PROZ: variants seen among roughly 807,000 people sequenced by gnomAD.
The protein encoded by PROZ is protein Z, vitamin K dependent plasma glycoprotein.
Under a neutral mutation model 34.9 loss-of-function variants are expected in PROZ, and 46 were observed. The ratio of observed to expected loss-of-function variants is 1.32; its 90% confidence interval spans 1.04 to 1.69. The LOEUF (loss-of-function observed/expected upper bound fraction) is 1.69. Ranked by LOEUF, PROZ falls within the 40% of genes most tolerant of loss-of-function variation. The probability of loss-of-function intolerance (pLI) is 0.00; values close to 1 mark genes in which losing one functional copy is unlikely to be tolerated. For missense variants in PROZ, 530 were observed against 520.4 expected (o/e 1.02, Z -0.18); for synonymous variants, 195 against 208.5 (o/e 0.94, Z 0.56).
At chr13:113,166,618 G>A (rs1369229674) in intron 6 of PROZ, among the ~76,000 whole-genome samples, 3 of 152,198 alleles carry the variant, frequency 2.0e-5, no homozygotes, top group East Asian at 1.9e-4. Flanking sequence ...CAAAGCAGAC[G>A]GAGTGATGGA....
In PROZ at chr13:113,163,100, T is replaced by C. The variant is rs1172263038; in HGVS notation, c.351T>C (p.Tyr117=). Reference sequence around the variant, plus strand: ...ACACCTGCACCTGCTCCCCCGGCTATGAGGGCAGCAACTGCGAGCTGGGTG... The same window carrying C: ...ACACCTGCACCTGCTCCCCCGGCTACGAGGGCAGCAACTGCGAGCTGGGTG... ...WGYTCTCSPG[Y]EGSNCELAKN... The change falls in exon 4 of 8, where the codon TAT becomes TAC. Residue 117 remains tyrosine (Y), a synonymous_variant. Transcript: ENST00000375547. The C allele has an allele frequency of 1.5e-5, 24 of 1,555,422 alleles. No individual in the cohort carries two copies. Among genetic ancestry groups the C allele is most frequent in the Non-Finnish European group, 2.0e-5 (23 of 1,148,894 alleles).
At chr13:113,169,441 T>C (rs191489301) in intron 6 of PROZ, among the ~76,000 whole-genome samples, 37 of 152,360 alleles carry the variant, frequency 2.4e-4, no homozygotes, top group African/African-American at 8.4e-4. Flanking sequence ...TTCTTCTCAT[T>C]ATGGGTCACA....
At chr13:113,169,844 C>T (rs2037056584) in intron 6 of PROZ, among the ~76,000 whole-genome samples, 2 of 152,248 alleles carry the variant, frequency 1.3e-5, no homozygotes, top group African/African-American at 4.8e-5. Flanking sequence ...CACCACTGCT[C>T]TGCTGAAAAC....
intron 6 of PROZ, among the ~76,000 whole-genome samples, chr13:113,170,110 A>AT: frequency 6.6e-6 from 1 of 152,096 alleles, no homozygotes; most frequent in Non-Finnish European, 1.5e-5. Flanking sequence ...CATTCCATAG[A>AT]TTTTGTCAAT....
At chr13:113,166,302 T>C (rs2036929882) in intron 6 of PROZ, 1 of 152,258 alleles carries the variant, frequency 6.6e-6, no homozygotes, top group Non-Finnish European at 1.5e-5. Context: ...TATTTGCCTT[T>C]TTCCTTTACA....
chr13:113,167,221 G>A (rs747043747), intron 6 of PROZ, among the ~76,000 whole-genome samples: 2 of 152,142 alleles, frequency 1.3e-5, no homozygotes, highest in African/African-American at 4.8e-5. Context: ...GTCTTCTCTC[G>A]AACTTGGTTT....
intron 5 of PROZ, 113 bp from the exon 6 acceptor site, chr13:113,164,940 T>A (rs1407779328): frequency 1.8e-6 from 2 of 1,112,378 alleles, no homozygotes; most frequent in Admixed American, 3.9e-5. Context: ...AGGATAAGAT[T>A]ATAATGGTTA....
intron 6 of PROZ, among the ~76,000 whole-genome samples, chr13:113,166,808 CAG>C (rs1301441213): frequency 6.6e-6 from 1 of 152,166 alleles, no homozygotes; most frequent in Non-Finnish European, 1.5e-5. Context: ...TAGGTAGTGA[CAG>C]GGTCTGGCTC....
Position 113,163,134 on chromosome 13 carries a change from G to A in PROZ, c.373+12G>A, listed in dbSNP as rs536986677. ...CAACTGCGAGCTGGGTGAGGCCCCG[G>A]CCGTCCCCTTCCCCCAAGGGCCTCC... On this transcript the variant is annotated intron_variant, in intron 4 of 7. Transcript: ENST00000375547. 1.3e-6 allele frequency: 2 copies of A among 1,541,924 alleles called. No homozygotes were observed. Among genetic ancestry groups the A allele is most frequent in the Admixed American group, 2.0e-5 (1 of 51,026 alleles).
In PROZ at chr13:113,159,008, G is replaced by A. The variant is rs12868678; in HGVS notation, c.70+278G>A. On this transcript the variant is annotated intron_variant, in intron 1 of 7. Transcript: ENST00000375547. The surrounding 1 kb of genome is among the most constrained non-coding windows in gnomAD (Gnocchi z 4.6). ...GGGAAAGGCCGGGGAGAGGGGAGGG[G>A]GAAAGGGGGAGGAGTGGGGGGAGGC... is the stretch of plus-strand genomic sequence containing the variant. Among the ~76,000 whole-genome samples, 1 of 144,076 alleles carries A rather than the reference G, an allele frequency of 6.9e-6. No individual in the cohort carries two copies. Among genetic ancestry groups the A allele is most frequent in the South Asian group, 2.3e-4 (1 of 4,316 alleles). The allele number at this position is 144,076 out of a possible 152,430, so 94.5% of individuals were successfully genotyped here.
Position 113,171,800 on chromosome 13 carries a change from C to T in PROZ, c.898C>T (p.Leu300Phe), listed in dbSNP as rs765617789. The T allele has an allele frequency of 1.9e-6, 3 of 1,613,586 alleles. No homozygotes were observed. Among genetic ancestry groups the T allele is most frequent in the Non-Finnish European group, 2.5e-6 (3 of 1,179,904 alleles). ...HLLIPRTRGL[L>F]SGWARNGTDL... is the part of the protein sequence containing the mutation. The stretch of plus-strand genomic sequence containing the variant: ...CCTCATCCCACGCACCAGGGGCCTC[C>T]TCAGCGGCTGGGCACGCAATGGCAC... Residue 300 changes from leucine (L) to phenylalanine (F), a missense_variant, in exon 8 of 8, where the codon CTC (leucine) becomes TTC (phenylalanine). Leu to Phe is a conservative substitution (Grantham distance 22). Transcript: ENST00000375547. This position sits in a 1 kb window ranked among gnomAD's most constrained non-coding sequence, Gnocchi z 5.1.
rs376510674 is a variant in PROZ at position 113,171,958 on chromosome 13, G to A, written c.1056G>A (p.Met352Ile). 3 of 1,613,484 alleles carry A rather than the reference G, an allele frequency of 1.9e-6. No homozygotes were observed. Among genetic ancestry groups the A allele is most frequent in the East Asian group, 2.2e-5 (1 of 44,902 alleles). The change falls in exon 8 of 8, where the codon ATG becomes ATA. Residue 352 changes from methionine (M) to isoleucine (I), a missense_variant. By Grantham distance (10) the Met-to-Ile change is conservative. Transcript: ENST00000375547. This position sits in a 1 kb window ranked among gnomAD's most constrained non-coding sequence, Gnocchi z 5.1. ...GCAGCGTGGCGGCCATGCACTGGATGGATGGAAGTGTGGTCACCAGAGAAC... is the reference window on the plus strand; with the variant it reads ...GCAGCGTGGCGGCCATGCACTGGATAGATGGAAGTGTGGTCACCAGAGAAC... ...ERSSVAAMHW[M>I]DGSVVTREHR...
Position 113,171,534 on chromosome 13 carries a change from G to A in PROZ, c.692-60G>A. The A allele has an allele frequency of 1.2e-6, 2 of 1,609,492 alleles. No individual in the cohort carries two copies. Among genetic ancestry groups the A allele is most frequent in the South Asian group, 1.1e-5 (1 of 90,508 alleles). On this transcript the variant is annotated intron_variant, in intron 7 of 7. Transcript: ENST00000375547. This position sits in a 1 kb window ranked among gnomAD's most constrained non-coding sequence, Gnocchi z 5.1. ...ACGTGGCTCCCTGAGAAGCTCGTTTGAGCATTATGTCCCCTTGAAAATCAG... is the reference window on the plus strand; with the variant it reads ...ACGTGGCTCCCTGAGAAGCTCGTTTAAGCATTATGTCCCCTTGAAAATCAG...
intron 2 of PROZ, 27 bp from the exon 3 acceptor site, chr13:113,160,921 T>C (rs1386035623): frequency 1.9e-6 from 3 of 1,580,078 alleles, no homozygotes. Context: ...ATCCCATTTG[T>C]AACATTTTTA....
At chr13:113,161,068 G>A in intron 3 of PROZ, 96 bp downstream of exon 3, 1 of 1,114,188 alleles carries the variant, frequency 9.0e-7, no homozygotes, top group Non-Finnish European at 1.4e-6. Context: ...CTCAGCGGAT[G>A]CCAAGCCTCT....
At position 113,162,994 on chromosome 13, in the gene PROZ, A is replaced by G; in HGVS notation, c.260-15A>G. ...TCCTGTCACCACCACCCCAACCCCCATCCTCCTCCTGCAGGCGGCTCCCCG... is the reference window on the plus strand; with the variant it reads ...TCCTGTCACCACCACCCCAACCCCCGTCCTCCTCCTGCAGGCGGCTCCCCG... On this transcript the variant is annotated splice_polypyrimidine_tract_variant and intron_variant, in intron 3 of 7. Coordinates refer to ENST00000375547, the MANE Select transcript of PROZ (RefSeq NM_003891.3). The G allele has an allele frequency of 1.2e-6, 1 of 864,044 alleles. No homozygotes were observed. Among genetic ancestry groups the G allele is most frequent in the Non-Finnish European group, 1.5e-6 (1 of 669,588 alleles). The allele number at this position is 864,044 out of a possible 1,614,324, so 53.5% of individuals were successfully genotyped here. A position where few individuals can be genotyped will look rare whatever the true frequency, so the allele number is the denominator to read the frequency against.
At chr13:113,161,318 G>A (rs984776653) in intron 3 of PROZ, among the ~76,000 whole-genome samples, 4 of 152,236 alleles carry the variant, frequency 2.6e-5, no homozygotes, top group Non-Finnish European at 5.9e-5. Context: ...TGCTGCAGCA[G>A]GGTCAGAACT....
In PROZ at chr13:113,164,543, ATGGGTGT is replaced by A; in HGVS notation, c.405_411del (p.Gly136AsnfsTer39). The A allele has an allele frequency of 1.2e-6, 2 of 1,612,184 alleles. No homozygotes were observed. Among genetic ancestry groups the A allele is most frequent in the Non-Finnish European group, 1.7e-6 (2 of 1,179,728 alleles). On this transcript the variant is annotated frameshift_variant, in exon 5 of 8. Coordinates refer to ENST00000375547, the MANE Select transcript of PROZ (RefSeq NM_003891.3). LOFTEE classifies it high-confidence loss of function. ...AATGAATGTCACCCAGAGCGGACTG[ATGGGTGT>A]CAACACTTCTGCCTCCCAGGACAGG...
intron 3 of PROZ, among the ~76,000 whole-genome samples, chr13:113,162,727 CACA>C (rs2036782266): frequency 2.1e-5 from 1 of 46,574 alleles, no homozygotes; most frequent in Non-Finnish European, 4.5e-5. Flanking sequence ...GCCACCTCCC[CACA>C]TCCTCCTCCT....
Sources: gnomAD v4.1 joint callset for allele counts (sites outside exome capture counted in the v4.1 genomes callset) on GRCh38, gnomAD v4.1.1 for gene constraint, Gnocchi (gnomAD v3.1) non-coding constraint, MANE v1.5 for transcripts, NCBI Gene and HGNC (gene_info 2026-07-23, HGNC 2026-07-21) for gene names.